The following C1QTNF1 variants were observed in gnomAD, a reference collection of about 807,000 sequenced individuals.
C1QTNF1 encodes C1q and TNF related 1.
Under a neutral mutation model 27.8 loss-of-function variants are expected in C1QTNF1, and 22 were observed. That is an observed-to-expected ratio of 0.79 (90% CI 0.56 to 1.13). C1QTNF1 has a LOEUF of 1.13. Among genes scored for constraint, C1QTNF1 ranks in the 50% most tolerant of loss-of-function variants. The pLI, the probability that C1QTNF1 is intolerant of heterozygous loss-of-function variation, is 0.00. For synonymous variants in C1QTNF1, 166 were observed against 154.3 expected, an observed-to-expected ratio of 1.08 and a Z score of -0.56; for missense variants, 373 against 380.2, an observed-to-expected ratio of 0.98 and a Z score of 0.16.
At chr17:79,044,308 G>A (rs967659273) in intron 2 of C1QTNF1, among the ~76,000 whole-genome samples, 185 bp downstream of exon 2, 1 of 152,130 alleles carries the variant, frequency 6.6e-6, no homozygotes. Context: ...TCAGTGGCTT[G>A]GGCACCTCAC....
chr17:79,026,925 C>A (rs911447104), intron 1 of C1QTNF1, among the ~76,000 whole-genome samples: 2 of 152,206 alleles, frequency 1.3e-5, no homozygotes, highest in African/African-American at 4.8e-5. Context: ...CCTGGTGCCT[C>A]CCCCCAGCTG....
At chr17:79,029,179 T>C (rs538253530) in intron 1 of C1QTNF1, among the ~76,000 whole-genome samples, 4 of 152,284 alleles carry the variant, frequency 2.6e-5, no homozygotes, top group South Asian at 4.1e-4. Context: ...GTTCCACCTA[T>C]AAACAAGTAA....
At chr17:79,037,605 G>C (rs745888859) in intron 1 of C1QTNF1, among the ~76,000 whole-genome samples, 13 of 152,132 alleles carry the variant, frequency 8.5e-5, no homozygotes, top group Non-Finnish European at 1.8e-4. Context: ...TGGTGAACTT[G>C]CATGTGACTA....
In C1QTNF1 at chr17:79,033,573, G is replaced by C. The variant is rs139541115; in HGVS notation, c.-15+9079G>C. Among the ~76,000 whole-genome samples the C allele has an allele frequency of 9.3e-3, 1,421 of 152,022 alleles. 19 individuals carry two copies. The highest frequency in any genetic ancestry group is 0.031 in the African/African-American group (1,300 of 41,436). On this transcript the variant is annotated intron_variant, in intron 1 of 3. Transcript: ENST00000579760. ...TTTTTTTAATTAGCTGGATGTGGTG[G>C]CATGTGCTTGTAGTTCCAGCTACCC...
intron 1 of C1QTNF1, among the ~76,000 whole-genome samples, chr17:79,035,408 G>A (rs1041796937): frequency 3.3e-5 from 5 of 151,092 alleles, no homozygotes; most frequent in African/African-American, 4.9e-5. Flanking sequence ...TAGAAACCAG[G>A]AGTGTTTGAG....
intron 1 of C1QTNF1, among the ~76,000 whole-genome samples, chr17:79,026,224 C>T (rs188368973): frequency 9.9e-5 from 15 of 152,040 alleles, no homozygotes; most frequent in South Asian, 2.1e-4. Flanking sequence ...GGCCAAATCT[C>T]GGCTCACTGC....
At chr17:79,042,852 T>C (rs1026067209) in intron 1 of C1QTNF1, among the ~76,000 whole-genome samples, 3 of 152,304 alleles carry the variant, frequency 2.0e-5, no homozygotes, top group South Asian at 4.1e-4. Flanking sequence ...TGTGTGTACA[T>C]GTGAGCGCAT....
chr17:79,047,240 T>TTTC (rs2072605752), intron 3 of C1QTNF1: 7 of 233,844 alleles, frequency 3.0e-5, no homozygotes, highest in South Asian at 1.7e-4. Flanking sequence ...TTTCTTTTCT[T>TTTC]TTTTTTTTTT....
At chr17:79,034,014 G>A (rs865806907) in intron 1 of C1QTNF1, among the ~76,000 whole-genome samples, 3 of 152,204 alleles carry the variant, frequency 2.0e-5, no homozygotes, top group Admixed American at 6.5e-5. Context: ...TGACCTAGAA[G>A]CCCCAGGCTG....
At chr17:79,042,911 G>A (rs1375078152) in intron 1 of C1QTNF1, among the ~76,000 whole-genome samples, 1 of 152,192 alleles carries the variant, frequency 6.6e-6, no homozygotes, top group East Asian at 1.9e-4. Context: ...AGAGTATGCG[G>A]GCGTGCACGT....
rs1299966610 is a variant in C1QTNF1 at position 79,024,303 on chromosome 17, G to GT, written c.-205dup. ...CGCCGGGGAGACGGAGGTGCTGTGG[G>GT]TGGGGGGGACCTGTGGCTGCTCGTA... On this transcript the variant is annotated 5_prime_UTR_variant, in exon 1 of 4. Coordinates refer to ENST00000579760, the MANE Select transcript of C1QTNF1 (RefSeq NM_030968.5). 6.6e-6 allele frequency: 1 copy of GT among 152,048 alleles called. No individual in the cohort carries two copies. Among genetic ancestry groups the GT allele is most frequent in the African/African-American group, 2.4e-5 (1 of 41,184 alleles). 9.4% of individuals were successfully genotyped at this position (152,048 alleles called of 1,614,324 possible).
rs1184524323 is a variant in C1QTNF1 at position 79,043,758 on chromosome 17, G to A, written c.-14-197G>A. 4 of 690,890 alleles carry A rather than the reference G, an allele frequency of 5.8e-6. No homozygotes were observed. In the Admixed American group the frequency reaches 8.1e-5, roughly 14 times the overall value. 42.8% of individuals were successfully genotyped at this position (690,890 alleles called of 1,614,324 possible). ...GCGTGTGTGCACGTGAGTGCGTCGT[G>A]AGTGCGTGTATGCATGCATGGGTGT... On this transcript the variant is annotated intron_variant, in intron 1 of 3. Transcript: ENST00000579760.
At chr17:79,025,659 A>G (rs1380315635) in intron 1 of C1QTNF1, 3 of 164,422 alleles carry the variant, frequency 1.8e-5, no homozygotes, top group African/African-American at 7.1e-5. Flanking sequence ...AGCCACAGAT[A>G]GACGCACTTG....
At chr17:79,024,793 A>C (rs2071885141) in intron 1 of C1QTNF1, 1 of 152,424 alleles carries the variant, frequency 6.6e-6, no homozygotes, top group South Asian at 2.1e-4. Context: ...AACGGGAGGA[A>C]TTGCACCTTC....
upstream of C1QTNF1, among the ~76,000 whole-genome samples, chr17:79,023,704 G>GCACACACACACA (rs5822269): frequency 1.6e-3 from 229 of 145,024 alleles, 1 homozygote; most frequent in African/African-American, 4.1e-3. Flanking sequence ...GCGCGCGCGC[G>GCACACACACACA]CACACACACA....
chr17:79,036,883 G>A (rs1368910233), intron 1 of C1QTNF1, among the ~76,000 whole-genome samples: 1 of 152,156 alleles, frequency 6.6e-6, no homozygotes, highest in Non-Finnish European at 1.5e-5. Flanking sequence ...GAGATTATAG[G>A]CTTCTTGCCT....
intron 1 of C1QTNF1, chr17:79,034,572 G>T (rs2072220627): frequency 6.6e-6 from 1 of 152,292 alleles, no homozygotes; most frequent in African/African-American, 2.4e-5. Flanking sequence ...GCTCCAAGAT[G>T]GGAGGGAGAT....
intron 1 of C1QTNF1, among the ~76,000 whole-genome samples, chr17:79,032,500 C>T (rs2072162455): frequency 6.6e-6 from 1 of 152,126 alleles, no homozygotes; most frequent in Non-Finnish European, 1.5e-5. Flanking sequence ...TCAGAGCTGC[C>T]TCTGGAAGCA....
intron 1 of C1QTNF1, among the ~76,000 whole-genome samples, chr17:79,032,202 C>A (rs1290575204): frequency 6.6e-6 from 1 of 152,162 alleles, no homozygotes; most frequent in Admixed American, 6.5e-5. Context: ...CTACAGCACA[C>A]CCAGGTCTGG....
Sources: gnomAD v4.1 joint callset for allele counts (sites outside exome capture counted in the v4.1 genomes callset) on GRCh38, gnomAD v4.1.1 for gene constraint, MANE v1.5 for transcripts, NCBI Gene and HGNC (gene_info 2026-07-23, HGNC 2026-07-21) for gene names.